The following ELMOD2 variants were observed in gnomAD, a reference collection of about 807,000 sequenced individuals.
ELMOD2 encodes the protein ELMO domain containing 2.
ELMOD2 carries 28 observed loss-of-function variants against 41.0 expected under a neutral mutation model. The observed-to-expected ratio is 0.68, with a 90% CI of 0.51 to 0.94. ELMOD2 has a LOEUF of 0.94. Ranked by LOEUF, ELMOD2 falls within the 40% of genes least tolerant of loss-of-function variation. The pLI is 0.00. For missense variants in ELMOD2, 333 were observed against 343.1 expected (o/e 0.97, Z 0.23); for synonymous variants, 106 against 107.2 (o/e 0.99, Z 0.07).
At position 140,552,714 on chromosome 4, in the gene ELMOD2, G is replaced by A. The variant is rs1453501993; in HGVS notation, c.*2339G>A. 1.3e-5 allele frequency: 2 copies of A among 152,028 alleles called. No homozygotes were observed. Among genetic ancestry groups the A allele is most frequent in the Non-Finnish European group, 2.9e-5 (2 of 67,944 alleles). The allele number at this position is 152,028 out of a possible 1,614,324, so 9.4% of individuals were successfully genotyped here. A position where few individuals can be genotyped will look rare whatever the true frequency, so the allele number is the denominator to read the frequency against. On this transcript the variant is annotated 3_prime_UTR_variant, in exon 9 of 9. Transcript: ENST00000323570. ...AATGCCAAAGTAGTGATAGAATATT[G>A]TGGCATTGAAGTAGCCGAAAAATTG... is the stretch of plus-strand genomic sequence containing the variant.
intron 3 of ELMOD2, among the ~76,000 whole-genome samples, chr4:140,530,989 A>T (rs1468089423): frequency 1.3e-5 from 2 of 152,168 alleles, no homozygotes; most frequent in Non-Finnish European, 2.9e-5. Context: ...TTGAAATTAG[A>T]GATATTACTA....
chr4:140,529,069 G>T (rs141862922), intron 3 of ELMOD2, among the ~76,000 whole-genome samples: 2 of 152,302 alleles, frequency 1.3e-5, no homozygotes, highest in African/African-American at 4.8e-5. Flanking sequence ...ACTTAAGGAA[G>T]AATCAAAATC....
Position 140,527,631 on chromosome 4 carries a change from TTC to T in ELMOD2, c.171+139_171+140del. The T allele has an allele frequency of 4.5e-6, 3 of 670,462 alleles. No homozygotes were observed. The Middle Eastern group carries it at 7.6e-4, about 169-fold the overall frequency. 41.5% of individuals were successfully genotyped at this position (670,462 alleles called of 1,614,324 possible). A position where few individuals can be genotyped will look rare whatever the true frequency, so the allele number is the denominator to read the frequency against. ...AAATTTTCCCCGTTTAGAGGTAATA[TTC>T]TGTTTTCAAACATTTCTCTATATAT... On this transcript the variant is annotated intron_variant, in intron 3 of 8. Transcript: ENST00000323570.
At chr4:140,531,869 A>C (rs1734759080) in intron 3 of ELMOD2, among the ~76,000 whole-genome samples, 1 of 152,222 alleles carries the variant, frequency 6.6e-6, no homozygotes, top group African/African-American at 2.4e-5. Context: ...AAAGAAATAG[A>C]AACTGTAATT....
chr4:140,549,447 T>C (rs1364203879), intron 8 of ELMOD2, among the ~76,000 whole-genome samples: 14 of 151,900 alleles, frequency 9.2e-5, no homozygotes, highest in Non-Finnish European at 1.5e-5. Flanking sequence ...ATAATGAGGA[T>C]ATTGAAAGCC....
intron 6 of ELMOD2, among the ~76,000 whole-genome samples, chr4:140,541,334 T>A (rs941658135): frequency 3.3e-5 from 5 of 152,174 alleles, no homozygotes; most frequent in Non-Finnish European, 5.9e-5. Flanking sequence ...ATGGTTTTTT[T>A]AATTGTTTAC....
chr4:140,540,352 C>T (rs766421419), intron 6 of ELMOD2, 51 bp downstream of exon 6: 3 of 1,597,214 alleles, frequency 1.9e-6, no homozygotes, highest in Admixed American at 3.4e-5. Flanking sequence ...TACATTTAAT[C>T]TCTGATCTAG....
chr4:140,534,456 G>A (rs1056710239), intron 3 of ELMOD2, among the ~76,000 whole-genome samples: 1 of 152,158 alleles, frequency 6.6e-6, no homozygotes, highest in Non-Finnish European at 1.5e-5. Context: ...CTGTATCATA[G>A]TAGGGATGTG....
Position 140,550,463 on chromosome 4 carries a change from C to T in ELMOD2, c.*88C>T. 7.9e-7 allele frequency: 1 copy of T among 1,258,424 alleles called. No individual in the cohort carries two copies. Among genetic ancestry groups the T allele is most frequent in the African/African-American group, 1.5e-5 (1 of 65,630 alleles). The allele number at this position is 1,258,424 out of a possible 1,614,324, so 78.0% of individuals were successfully genotyped here. ...AATAGGAATTATCTGATCAATTACA[C>T]TCTTATATATAATTTCCTACAAAAA... On this transcript the variant is annotated 3_prime_UTR_variant, in exon 9 of 9. Coordinates refer to ENST00000323570, the MANE Select transcript of ELMOD2 (RefSeq NM_153702.4).
chr4:140,527,576 A>G (rs1734611498), intron 3 of ELMOD2, 82 bp downstream of exon 3: 1 of 1,217,036 alleles, frequency 8.2e-7, no homozygotes, highest in Non-Finnish European at 1.2e-6. Context: ...GCCCTGCTAG[A>G]AGAGTGTTTT....
intron 8 of ELMOD2, among the ~76,000 whole-genome samples, chr4:140,544,308 A>T (rs1461969911): frequency 1.3e-5 from 2 of 152,126 alleles, no homozygotes; most frequent in Non-Finnish European, 2.9e-5. Flanking sequence ...TGTTGAAAAT[A>T]TCCATGTCTC....
chr4:140,534,488 T>G (rs1415304315), intron 3 of ELMOD2, among the ~76,000 whole-genome samples: 1 of 152,176 alleles, frequency 6.6e-6, no homozygotes, highest in African/African-American at 2.4e-5. Flanking sequence ...TGTATGTATT[T>G]GTCAAAACAG....
At position 140,551,706 on chromosome 4, in the gene ELMOD2, A is replaced by G. The variant is rs1246778789; in HGVS notation, c.*1331A>G. 1 of 152,112 alleles carries G rather than the reference A, an allele frequency of 6.6e-6. No individual in the cohort carries two copies. The highest frequency in any genetic ancestry group is 1.9e-4 in the East Asian group (1 of 5,196). The allele number at this position is 152,112 out of a possible 1,614,324, so 9.4% of individuals were successfully genotyped here. ...ATTTAGCACACCTTTTAATGTGGGT[A>G]TATATCAAGTGTTTAAGGACTGGCT... On this transcript the variant is annotated 3_prime_UTR_variant, in exon 9 of 9. Coordinates refer to ENST00000323570, the MANE Select transcript of ELMOD2 (RefSeq NM_153702.4).
chr4:140,531,187 A>AT (rs1368727658), intron 3 of ELMOD2, among the ~76,000 whole-genome samples: 16 of 152,156 alleles, frequency 1.1e-4, no homozygotes, highest in Non-Finnish European at 1.9e-4. Flanking sequence ...AATAAAAGTG[A>AT]TTTTAATCTA....
At chr4:140,537,278 G>A (rs970180254) in intron 4 of ELMOD2, 134 bp from the exon 5 acceptor site, 2 of 653,168 alleles carry the variant, frequency 3.1e-6, no homozygotes, top group Non-Finnish European at 4.6e-6. Flanking sequence ...TGTATTTAAG[G>A]TGGCCTTTGG....
At chr4:140,527,328 T>G in intron 2 of ELMOD2, 138 bp from the exon 3 acceptor site, 1 of 739,894 alleles carries the variant, frequency 1.4e-6, no homozygotes. Flanking sequence ...TTTAAAATGC[T>G]TCCTGTTATA....
chr4:140,532,672 T>C (rs1046012658), intron 3 of ELMOD2, among the ~76,000 whole-genome samples: 45 of 152,186 alleles, frequency 3.0e-4, no homozygotes, highest in African/African-American at 1.1e-3. Context: ...ACATGATACA[T>C]AACACTGAAT....
At chr4:140,528,052 CAGGT>C (rs1445339864) in intron 3 of ELMOD2, 3 of 152,400 alleles carry the variant, frequency 2.0e-5, no homozygotes, top group Non-Finnish European at 4.4e-5. Flanking sequence ...ATCTGGGACT[CAGGT>C]AGGGGGTTAA....
rs182212441 is a variant in ELMOD2 at position 140,545,937 on chromosome 4, A to G, written c.736+2351A>G. The stretch of plus-strand genomic sequence containing the variant: ...GTGGAAGACAGTGTGGTGATTCCTC[A>G]GGGATCTAGAACTAGAAATACCACT... On this transcript the variant is annotated intron_variant, in intron 8 of 8. Transcript: ENST00000323570. Among the ~76,000 whole-genome samples, 384 of 152,312 alleles carry G rather than the reference A, an allele frequency of 2.5e-3. 5 individuals carry two copies. The highest frequency in any genetic ancestry group is 2.8e-3 in the Non-Finnish European group (189 of 68,014).
Sources: allele counts gnomAD v4.1 joint callset (sites outside exome capture counted in the v4.1 genomes callset), GRCh38; gene constraint gnomAD v4.1.1; transcripts MANE v1.5; gene names NCBI Gene and HGNC (gene_info 2026-07-23, HGNC 2026-07-21).